KHDRBS2: variants seen among roughly 807,000 people sequenced by gnomAD.
KHDRBS2 encodes the protein KH domain-containing, RNA-binding, signal transduction-associated protein 2.
KHDRBS2 carries 26 observed loss-of-function variants against 44.3 expected under a neutral mutation model. The observed-to-expected ratio is 0.59, with a 90% CI of 0.43 to 0.81. KHDRBS2 has a LOEUF of 0.81. Among genes scored for constraint, KHDRBS2 ranks in the 40% least tolerant of loss-of-function variants. The pLI is 0.00. For synonymous variants in KHDRBS2, 194 were observed against 151.1 expected, an observed-to-expected ratio of 1.28 and a Z score of -2.08; for missense variants, 476 against 433.1, an observed-to-expected ratio of 1.10 and a Z score of -0.88.
intron 8 of KHDRBS2, among the ~76,000 whole-genome samples, chr6:61,685,556 T>C (rs1489410860): frequency 6.6e-6 from 1 of 151,854 alleles, no homozygotes; most frequent in Non-Finnish European, 1.5e-5. Context: ...CTGTTTTTTA[T>C]TAACTTAGGC....
chr6:61,877,766 T>C (rs1210820839), intron 6 of KHDRBS2, among the ~76,000 whole-genome samples: 2 of 151,952 alleles, frequency 1.3e-5, no homozygotes, highest in Non-Finnish European at 2.9e-5. Flanking sequence ...TTCAAGCATT[T>C]GGCTAAAAAA....
intron 6 of KHDRBS2, among the ~76,000 whole-genome samples, chr6:61,743,017 T>C (rs761799867): frequency 2.0e-5 from 3 of 152,150 alleles, no homozygotes; most frequent in Non-Finnish European, 4.4e-5. Context: ...CAGCCATGCA[T>C]ATGCAAGACA....
intron 6 of KHDRBS2, among the ~76,000 whole-genome samples, chr6:61,880,610 T>A (rs1333052195): frequency 6.6e-6 from 1 of 151,946 alleles, no homozygotes; most frequent in African/African-American, 2.4e-5. Context: ...AACAGACACA[T>A]TTTTTAAAGA....
intron 6 of KHDRBS2, among the ~76,000 whole-genome samples, chr6:61,770,369 T>C (rs9353861): frequency 0.39 from 59,218 of 151,900 alleles, 11,795 homozygotes; most frequent in East Asian, 0.48. Context: ...AAGAAGGCTT[T>C]AGATGATCAA....
intron 2 of KHDRBS2, among the ~76,000 whole-genome samples, chr6:62,064,977 G>T (rs1481539879): frequency 6.1e-4 from 92 of 152,024 alleles, no homozygotes; most frequent in African/African-American, 2.1e-3. Context: ...TGAAGGACAT[G>T]AACAGACACT....
intron 1 of KHDRBS2, among the ~76,000 whole-genome samples, chr6:62,221,391 C>T (rs1432242577): frequency 6.6e-6 from 1 of 151,982 alleles, no homozygotes; most frequent in African/African-American, 2.4e-5. Flanking sequence ...TAATGTACCA[C>T]ATTAGGACTA....
chr6:61,876,643 C>T (rs1799448113), intron 6 of KHDRBS2, among the ~76,000 whole-genome samples: 1 of 151,914 alleles, frequency 6.6e-6, no homozygotes, highest in African/African-American at 2.4e-5. Context: ...TTGCAGTGAG[C>T]AATTTGGCAA....
intron 4 of KHDRBS2, among the ~76,000 whole-genome samples, chr6:61,942,432 G>GA (rs949136239): frequency 3.0e-4 from 45 of 150,810 alleles, no homozygotes; most frequent in Admixed American, 8.6e-4. Context: ...TGAAATGAAG[G>GA]AAAAAAAATA....
chr6:61,618,876 G>A, the KHDRBS2 span, among the ~76,000 whole-genome samples: 1 of 152,108 alleles, frequency 6.6e-6, no homozygotes, highest in African/African-American at 2.4e-5. Context: ...GTTTTCCCAT[G>A]TATAGCTCTT....
intron 2 of KHDRBS2, among the ~76,000 whole-genome samples, chr6:62,070,931 G>T (rs1175801397): frequency 6.6e-6 from 1 of 152,108 alleles, no homozygotes; most frequent in African/African-American, 2.4e-5. Context: ...TTCCACAATG[G>T]TTGAACTAGT....
intron 2 of KHDRBS2, among the ~76,000 whole-genome samples, chr6:62,141,075 G>T (rs1259471923): frequency 1.3e-5 from 2 of 152,096 alleles, no homozygotes; most frequent in Non-Finnish European, 1.5e-5. Context: ...TTAATTCACA[G>T]GATTAAGAGA....
chr6:61,891,652 C>T (rs1801866069), intron 6 of KHDRBS2, among the ~76,000 whole-genome samples: 1 of 152,160 alleles, frequency 6.6e-6, no homozygotes, highest in African/African-American at 2.4e-5. Flanking sequence ...ACAAAAACCA[C>T]ATGATTATCT....
chr6:61,901,440 A>C, intron 4 of KHDRBS2, 69 bp from the exon 5 acceptor site: 4 of 1,272,040 alleles, frequency 3.1e-6, no homozygotes, highest in Non-Finnish European at 3.2e-6. Flanking sequence ...AAAAAAAAAA[A>C]AAGAAACAAA....
intron 6 of KHDRBS2, among the ~76,000 whole-genome samples, chr6:61,804,114 G>A (rs1313671720): frequency 6.6e-6 from 1 of 152,036 alleles, no homozygotes; most frequent in Non-Finnish European, 1.5e-5. Context: ...GACAAGGCAA[G>A]TCCCTGCCAC....
At chr6:61,956,892 T>C (rs1218655887) in intron 4 of KHDRBS2, among the ~76,000 whole-genome samples, 2 of 137,730 alleles carry the variant, frequency 1.5e-5, no homozygotes, top group Non-Finnish European at 3.1e-5. Flanking sequence ...AAACATTCCA[T>C]AGTTATTGGT....
At chr6:62,067,902 A>G (rs1794121062) in intron 2 of KHDRBS2, among the ~76,000 whole-genome samples, 1 of 151,518 alleles carries the variant, frequency 6.6e-6, no homozygotes, top group Non-Finnish European at 1.5e-5. Flanking sequence ...TTATTTATTT[A>G]TTGCTAAAAA....
intron 4 of KHDRBS2, among the ~76,000 whole-genome samples, chr6:61,927,033 G>T (rs779494841): frequency 6.6e-6 from 1 of 152,012 alleles, no homozygotes; most frequent in African/African-American, 2.4e-5. Flanking sequence ...AGCAGGGTCT[G>T]ATTGACCCTA....
intron 6 of KHDRBS2, among the ~76,000 whole-genome samples, chr6:61,823,436 T>A (rs1790317280): frequency 6.6e-6 from 1 of 152,124 alleles, no homozygotes; most frequent in African/African-American, 2.4e-5. Context: ...AAGTCCTCTC[T>A]TTATATAAAA....
the KHDRBS2 span, among the ~76,000 whole-genome samples, chr6:61,568,759 C>T: frequency 0.014 from 2,110 of 152,266 alleles, 19 homozygotes; most frequent in Admixed American, 0.022. Flanking sequence ...ACAGGCACTC[C>T]CAGTCTCCAG....
Sources: gnomAD v4.1 joint callset for allele counts (sites outside exome capture counted in the v4.1 genomes callset) on GRCh38, gnomAD v4.1.1 for gene constraint, MANE v1.5 for transcripts, NCBI Gene and HGNC (gene_info 2026-07-23, HGNC 2026-07-21) for gene names.